BRIP1: variants seen among roughly 807,000 people sequenced by gnomAD.
The protein encoded by BRIP1 is BRCA1 interacting DNA helicase 1.
BRIP1 carries 88 observed loss-of-function variants against 119.7 expected under a neutral mutation model. The ratio of observed to expected loss-of-function variants is 0.74; its 90% CI spans 0.62 to 0.88. The LOEUF (loss-of-function observed/expected upper bound fraction) is 0.88, where lower values mean the gene tolerates loss of function less well. Among genes scored for constraint, BRIP1 ranks in the 40% least tolerant of loss-of-function variants. BRIP1 has a pLI of 0.00. For synonymous variants in BRIP1, 443 were observed against 496.5 expected (o/e 0.89, Z 1.43); for missense variants, 1,259 against 1,455.4 (o/e 0.87, Z 2.20).
chr17:61,829,512 A>C (rs192429419), intron 6 of BRIP1, among the ~76,000 whole-genome samples: 87 of 151,938 alleles, frequency 5.7e-4, no homozygotes, highest in Admixed American at 1.4e-3. Flanking sequence ...ACCAAAAAAA[A>C]CCAGCAAGGA....
At position 61,686,097 on chromosome 17, in the gene BRIP1, C is replaced by T. The variant is rs1603276913; in HGVS notation, c.2644G>A (p.Ala882Thr). The change falls in exon 19 of 20, where the codon GCT becomes ACT. Residue 882 changes from alanine to threonine, a missense_variant. By Grantham distance (58) the Ala-to-Thr change is moderately conservative (BLOSUM62 0). This residue lies in a region of BRIP1 where 753 missense variants were observed against 891.8 expected (regional missense o/e 0.84). Coordinates refer to ENST00000259008, the MANE Select transcript of BRIP1 (RefSeq NM_032043.3). This position sits in a 1 kb window ranked among gnomAD's most constrained non-coding sequence, Gnocchi z 5.4. ...STFESALESLAEFSKKHQKVL... is the reference protein window; with the variant it reads ...STFESALESLTEFSKKHQKVL... ...TTTTGATGCTTTTTGGAAAATTCAG[C>T]CAAGGATTCCAGTGCACTTTCAAAG... 1 of 1,613,990 alleles carries T rather than the reference C, an allele frequency of 6.2e-7. No homozygotes were observed. Among genetic ancestry groups the T allele is most frequent in the Non-Finnish European group, 8.5e-7 (1 of 1,179,924 alleles).
Position 61,683,194 on chromosome 17 carries a change from T to C in BRIP1, c.*102A>G. 1 of 1,348,968 alleles carries C rather than the reference T, an allele frequency of 7.4e-7. No individual in the cohort carries two copies. The highest frequency in any genetic ancestry group is 1.5e-5 in the African/African-American group (1 of 67,774). The allele number at this position is 1,348,968 out of a possible 1,614,324, so 83.6% of individuals were successfully genotyped here. A position where few individuals can be genotyped will look rare whatever the true frequency, so the allele number is the denominator to read the frequency against. On this transcript the variant is annotated 3_prime_UTR_variant, in exon 20 of 20. Coordinates refer to ENST00000259008, the MANE Select transcript of BRIP1 (RefSeq NM_032043.3). This position sits in a 1 kb window ranked among gnomAD's most constrained non-coding sequence, Gnocchi z 4.7. ...ACATTTCTGAACATAAAATAGTTTTTTAAAAAGTATGCCACTTATTCAATT... is the reference window on the plus strand; with the variant it reads ...ACATTTCTGAACATAAAATAGTTTTCTAAAAAGTATGCCACTTATTCAATT...
In BRIP1 at chr17:61,683,502, C is replaced by A. The variant is rs1555572535; in HGVS notation, c.3544G>T (p.Ala1182Ser). 6.2e-7 allele frequency: 1 copy of A among 1,613,578 alleles called. No homozygotes were observed. Among genetic ancestry groups the A allele is most frequent in the Non-Finnish European group, 8.5e-7 (1 of 1,179,876 alleles). ...CAATCCTCAGCTTTCACTTCTCTGG[C>A]TGAATCTACTTCTTTTATAGTTCTA... is the stretch of plus-strand genomic sequence containing the variant. ...EIRTIKEVDS[A>S]REVKAEDCID... Residue 1182 changes from alanine (A) to serine (S), a missense_variant, in exon 20 of 20, where the codon GCC becomes TCC. By Grantham distance (99) the Ala-to-Ser change is moderately conservative (BLOSUM62 1). This residue lies in a region of BRIP1 where 753 missense variants were observed against 891.8 expected (regional missense o/e 0.84). Coordinates refer to ENST00000259008, the MANE Select transcript of BRIP1 (RefSeq NM_032043.3). The surrounding 1 kb of genome is among the most constrained non-coding windows in gnomAD (Gnocchi z 4.7).
In BRIP1 at chr17:61,748,715, G is replaced by GT. The variant is rs1384449779; in HGVS notation, c.2098-4125_2098-4124insA. Among the ~76,000 whole-genome samples, 1 of 152,150 alleles carries GT rather than the reference G, an allele frequency of 6.6e-6. No homozygotes were observed. Among genetic ancestry groups the GT allele is most frequent in the Non-Finnish European group, 1.5e-5 (1 of 68,028 alleles). On this transcript the variant is annotated intron_variant, in intron 14 of 19. Coordinates refer to ENST00000259008, the MANE Select transcript of BRIP1 (RefSeq NM_032043.3). The surrounding 1 kb of genome is among the most constrained non-coding windows in gnomAD (Gnocchi z 4.7). ...GCAAGGGTGCCAAAAATACATAATG[G>GT]GGAAAGGACAGTCTCTTCAACAAAT...
At position 61,761,780 on chromosome 17, in the gene BRIP1, A is replaced by G. The variant is rs1194936964; in HGVS notation, c.2097+14621T>C. Among the ~76,000 whole-genome samples, 1 of 152,084 alleles carries G rather than the reference A, an allele frequency of 6.6e-6. No individual in the cohort carries two copies. The highest frequency in any genetic ancestry group is 1.5e-5 in the Non-Finnish European group (1 of 67,978). ...ATTGTAGAAGATACAAGTAAATAGC[A>G]TGATATTCTTTGCTCATAGACTGGA... is the stretch of plus-strand genomic sequence containing the variant. On this transcript the variant is annotated intron_variant, in intron 14 of 19. Coordinates refer to ENST00000259008, the MANE Select transcript of BRIP1 (RefSeq NM_032043.3). This position sits in a 1 kb window ranked among gnomAD's most constrained non-coding sequence, Gnocchi z 6.4.
At position 61,735,810 on chromosome 17, in the gene BRIP1, T is replaced by G. The variant is rs531471276; in HGVS notation, c.2379+7203A>C. Among the ~76,000 whole-genome samples the G allele has an allele frequency of 1.3e-5, 2 of 150,876 alleles. No individual in the cohort carries two copies. Among genetic ancestry groups the G allele is most frequent in the South Asian group, 4.2e-4 (2 of 4,770 alleles). On this transcript the variant is annotated intron_variant, in intron 16 of 19. Transcript: ENST00000259008. The surrounding 1 kb of genome is among the most constrained non-coding windows in gnomAD (Gnocchi z 4.4). ...AGTGAGACCCTGTTTTCAAAAAAAT[T>G]TAAAAAAGACTGCCTCTTGGATGGA...
rs1488296985 is a variant in BRIP1, at chr17:61,700,688, T to C, written c.2493-7176A>G. Reference sequence around the variant, plus strand: ...CTTCTTGGATGTATAAATTAACGTTTTTCATCAAATTCGGAACGTTTTCAG... The same window carrying C: ...CTTCTTGGATGTATAAATTAACGTTCTTCATCAAATTCGGAACGTTTTCAG... On this transcript the variant is annotated intron_variant, in intron 17 of 19. Transcript: ENST00000259008. This position sits in a 1 kb window ranked among gnomAD's most constrained non-coding sequence, Gnocchi z 4.1. 6.6e-6 allele frequency among the ~76,000 whole-genome samples: 1 copy of C among 152,174 alleles called. No individual in the cohort carries two copies. Among genetic ancestry groups the C allele is most frequent in the Non-Finnish European group, 1.5e-5 (1 of 68,026 alleles).
chr17:61,697,296 C>T (rs1479013353), intron 17 of BRIP1, among the ~76,000 whole-genome samples: 24 of 119,476 alleles, frequency 2.0e-4, no homozygotes, highest in African/African-American at 7.9e-4. Flanking sequence ...GAGATCATGC[C>T]ATTGCACTCC....
rs2076768503 is a variant in BRIP1, at chr17:61,726,555, A to G, written c.2380-10492T>C. Among the ~76,000 whole-genome samples the G allele has an allele frequency of 6.6e-6, 1 of 152,358 alleles. No individual in the cohort carries two copies. Among genetic ancestry groups the G allele is most frequent in the South Asian group, 2.1e-4 (1 of 4,822 alleles). On this transcript the variant is annotated intron_variant, in intron 16 of 19. Transcript: ENST00000259008. The surrounding 1 kb of genome is among the most constrained non-coding windows in gnomAD (Gnocchi z 6.2). Reference sequence around the variant, plus strand: ...GACTACATTATTCAATGTTTGGCACATAACTTTAGGTGACTTAAAAAGTAA... The same window carrying G: ...GACTACATTATTCAATGTTTGGCACGTAACTTTAGGTGACTTAAAAAGTAA...
At chr17:61,788,051 C>G (rs539241908) in intron 10 of BRIP1, among the ~76,000 whole-genome samples, 1 of 152,000 alleles carries the variant, frequency 6.6e-6, no homozygotes, top group African/African-American at 2.4e-5. Flanking sequence ...AAGAAAGAAA[C>G]CGGTCATTAT....
Position 61,793,499 on chromosome 17 carries a change from C to A in BRIP1, c.1473+98G>T, listed in dbSNP as rs2145235986. On this transcript the variant is annotated intron_variant, in intron 10 of 19. Transcript: ENST00000259008. The surrounding 1 kb of genome is among the most constrained non-coding windows in gnomAD (Gnocchi z 5.2). ...TAAAAAATTAAATTGCTATATTTAACAATTCTGGGTTACTCACTAGATTTA... is the reference window on the plus strand; with the variant it reads ...TAAAAAATTAAATTGCTATATTTAAAAATTCTGGGTTACTCACTAGATTTA... 1.8e-6 allele frequency: 2 copies of A among 1,140,292 alleles called. No individual in the cohort carries two copies. Among genetic ancestry groups the A allele is most frequent in the Non-Finnish European group, 2.4e-6 (2 of 816,642 alleles). 70.6% of individuals were successfully genotyped at this position (1,140,292 alleles called of 1,614,324 possible).
Position 61,856,941 on chromosome 17 carries a change from T to C in BRIP1, c.379+117A>G. ...TATTTTAAAATCATTCCAGAGAAAC[T>C]AGATAGAGATATATAATCAGTTATG... On this transcript the variant is annotated intron_variant, in intron 4 of 19. Coordinates refer to ENST00000259008, the MANE Select transcript of BRIP1 (RefSeq NM_032043.3). This position sits in a 1 kb window ranked among gnomAD's most constrained non-coding sequence, Gnocchi z 5.1. 4 of 996,212 alleles carry C rather than the reference T, an allele frequency of 4.0e-6. No homozygotes were observed. The highest frequency in any genetic ancestry group is 1.4e-5 in the South Asian group (1 of 73,352). The allele number at this position is 996,212 out of a possible 1,614,324, so 61.7% of individuals were successfully genotyped here.
Position 61,799,473 on chromosome 17 carries a change from A to G in BRIP1, c.1141-174T>C, listed in dbSNP as rs533669365. Among the ~76,000 whole-genome samples, 15 of 152,280 alleles carry G rather than the reference A, an allele frequency of 9.9e-5. No individual in the cohort carries two copies. Among genetic ancestry groups the G allele is most frequent in the South Asian group, 6.2e-4 (3 of 4,814 alleles). ...CTTCTGAAGCACTATGGCCAACCAA[A>G]TATCAGCTCTACATTATTGTGTTTG... On this transcript the variant is annotated intron_variant, in intron 8 of 19. Coordinates refer to ENST00000259008, the MANE Select transcript of BRIP1 (RefSeq NM_032043.3). This position sits in a 1 kb window ranked among gnomAD's most constrained non-coding sequence, Gnocchi z 5.1.
Position 61,710,458 on chromosome 17 carries a change from G to A in BRIP1, c.2492+5493C>T, listed in dbSNP as rs78839833. Among the ~76,000 whole-genome samples the A allele has an allele frequency of 4.3e-3, 657 of 152,278 alleles. 2 individuals are homozygous for A. Among genetic ancestry groups the A allele is most frequent in the Non-Finnish European group, 6.8e-3 (462 of 68,022 alleles). On this transcript the variant is annotated intron_variant, in intron 17 of 19. Transcript: ENST00000259008. This position sits in a 1 kb window ranked among gnomAD's most constrained non-coding sequence, Gnocchi z 5.4. ...ACAGATAGCAACCAAAATGCTATAG[G>A]TTTACTAAGGTATAAATAACTCTAG...
In BRIP1 at chr17:61,770,318, G is replaced by A. The variant is rs9898853; in HGVS notation, c.2097+6083C>T. On this transcript the variant is annotated intron_variant, in intron 14 of 19. Transcript: ENST00000259008. This position sits in a 1 kb window ranked among gnomAD's most constrained non-coding sequence, Gnocchi z 4.7. ...AGTATAACAGCAGAGGATTACAACA[G>A]AGAGAGACAGCTGCAAGGCTCAGAT... is the stretch of plus-strand genomic sequence containing the variant. 0.033 allele frequency among the ~76,000 whole-genome samples: 4,989 copies of A among 152,250 alleles called. 309 individuals are homozygous for A. Among genetic ancestry groups the A allele is most frequent in the African/African-American group, 0.11 (4,703 of 41,522 alleles).
At position 61,682,488 on chromosome 17, in the gene BRIP1, A is replaced by G. The variant is rs2061283071; in HGVS notation, c.*808T>C. ...TGGTTTTAGGTTTATTATACAAAGA[A>G]TGTAAAACAATTTCAATTAAAAATG... On this transcript the variant is annotated 3_prime_UTR_variant, in exon 20 of 20. Transcript: ENST00000259008. This position sits in a 1 kb window ranked among gnomAD's most constrained non-coding sequence, Gnocchi z 4.9. 2 of 201,084 alleles carry G rather than the reference A, an allele frequency of 9.9e-6. No homozygotes were observed. The highest frequency in any genetic ancestry group is 1.9e-4 in the South Asian group (1 of 5,250). 12.5% of individuals were successfully genotyped at this position (201,084 alleles called of 1,614,324 possible).
chr17:61,748,546 A>G lies in BRIP1; in HGVS notation c.2098-3955T>C, dbSNP rs1423896548. Among the ~76,000 whole-genome samples, 1 of 152,242 alleles carries G rather than the reference A, an allele frequency of 6.6e-6. No individual in the cohort carries two copies. The highest frequency in any genetic ancestry group is 2.4e-5 in the African/African-American group (1 of 41,474). ...GAGAAAGAACAACAAAGCTAGAGGC[A>G]TCGTGCTTCATGACACTTACATCTT... On this transcript the variant is annotated intron_variant, in intron 14 of 19. Transcript: ENST00000259008. This position sits in a 1 kb window ranked among gnomAD's most constrained non-coding sequence, Gnocchi z 4.7.
At position 61,784,339 on chromosome 17, in the gene BRIP1, C is replaced by G. The variant is rs757629526; in HGVS notation, c.1559G>C (p.Ser520Thr). The change falls in exon 11 of 20, where the codon AGT (serine) becomes ACT (threonine). Residue 520 changes from serine (S) to threonine (T), a missense_variant. This residue lies in a region of BRIP1 where 753 missense variants were observed against 891.8 expected (regional missense o/e 0.84). Coordinates refer to ENST00000259008, the MANE Select transcript of BRIP1 (RefSeq NM_032043.3). ...TTTAAGCATTATTTGAGTTGATGCA[C>G]TAATAACAGGTACTTCTCTTGCCTC... ...KEEAREVPVI[S>T]ASTQIMLKGL... is the part of the protein sequence containing the mutation. 6.2e-7 allele frequency: 1 copy of G among 1,613,166 alleles called. No individual in the cohort carries two copies. Among genetic ancestry groups the G allele is most frequent in the South Asian group, 1.1e-5 (1 of 91,054 alleles).
rs904003257 is a variant in BRIP1 at position 61,759,182 on chromosome 17, A to G, written c.2098-14591T>C. 2.0e-5 allele frequency among the ~76,000 whole-genome samples: 3 copies of G among 152,234 alleles called. No individual in the cohort carries two copies. Among genetic ancestry groups the G allele is most frequent in the Middle Eastern group, 3.4e-3 (1 of 292 alleles). ...AAGATCCAACTATATGCTGCCTACA[A>G]GAGATTTGCTTTTAAGGATGCACAG... On this transcript the variant is annotated intron_variant, in intron 14 of 19. Transcript: ENST00000259008. The surrounding 1 kb of genome is among the most constrained non-coding windows in gnomAD (Gnocchi z 4.9).
Sources: gnomAD v4.1 joint callset for allele counts (sites outside exome capture counted in the v4.1 genomes callset) on GRCh38, gnomAD v4.1.1 for gene constraint, gnomAD v4.1.1 regional missense constraint, Gnocchi (gnomAD v3.1) non-coding constraint, MANE v1.5 for transcripts, NCBI Gene and HGNC (gene_info 2026-07-23, HGNC 2026-07-21) for gene names.